The following GPR26 variants were observed in gnomAD, a reference collection of about 807,000 sequenced individuals.
The protein encoded by GPR26 is G protein-coupled receptor 26.
In GPR26, 15 loss-of-function variants were observed where a neutral mutation model predicts 23.1. That is an observed-to-expected ratio of 0.65 (90% confidence interval 0.43 to 1.00). GPR26 has a LOEUF of 1.00. GPR26 is among the 50% of genes least tolerant of loss of function. The pLI, the probability that GPR26 is intolerant of heterozygous loss-of-function variation, is 0.00. For synonymous variants in GPR26, 228 were observed against 222.1 expected (o/e 1.03, Z -0.24); for missense variants, 359 against 470.5 (o/e 0.76, Z 2.19).
Position 123,688,145 on chromosome 10 carries a change from GC to G in GPR26, c.1001del (p.Pro334ArgfsTer11), listed in dbSNP as rs747846998. 6 of 1,610,538 alleles carry G rather than the reference GC, an allele frequency of 3.7e-6. No homozygotes were observed. In the South Asian group the frequency reaches 6.6e-5, roughly 18 times the overall value. ...GCGACTCTCACAGCCAGAACATTCT[GC>G]CGGTGTCTGAGTGAAGGACCGCGCT... is the stretch of plus-strand genomic sequence containing the variant. The part of the protein sequence containing the change: ...TGDSHSQNIL[P>X]VSE On this transcript the variant is annotated frameshift_variant, in exon 3 of 3. Transcript: ENST00000284674. LOFTEE classifies it high-confidence loss of function.
Position 123,689,573 on chromosome 10 carries a change from G to C in GPR26, c.*1413G>C, listed in dbSNP as rs1472694753. ...ATTCCTCCAGGGTGGGAAGCACGGG[G>C]AGCAATGGAATCAGATGGCTCATTC... On this transcript the variant is annotated 3_prime_UTR_variant, in exon 3 of 3. Coordinates refer to ENST00000284674, the MANE Select transcript of GPR26 (RefSeq NM_153442.4). 1 of 152,156 alleles carries C rather than the reference G, an allele frequency of 6.6e-6. No homozygotes were observed. The highest frequency in any genetic ancestry group is 1.5e-5 in the Non-Finnish European group (1 of 68,032). 9.4% of individuals were successfully genotyped at this position (152,156 alleles called of 1,614,324 possible). A position where few individuals can be genotyped will look rare whatever the true frequency, so the allele number is the denominator to read the frequency against.
Position 123,666,726 on chromosome 10 carries a change from G to A in GPR26, c.319G>A (p.Ala107Thr). 2 of 1,598,412 alleles carry A rather than the reference G, an allele frequency of 1.3e-6. No homozygotes were observed. ...CGCGCTCAGCATCGACCGCTGGGTGGCCGTGGTCTTCCCGCTGAGCTACCG... is the reference window on the plus strand; with the variant it reads ...CGCGCTCAGCATCGACCGCTGGGTGACCGTGGTCTTCCCGCTGAGCTACCG... Reference protein sequence around the residue: ...MAALSIDRWVAVVFPLSYRAK... With the variant: ...MAALSIDRWVTVVFPLSYRAK... The change falls in exon 1 of 3, where the codon GCC (alanine) becomes ACC (threonine). Residue 107 changes from alanine to threonine, a missense_variant. Transcript: ENST00000284674.
intron 2 of GPR26, among the ~76,000 whole-genome samples, chr10:123,685,283 C>T (rs534246490): frequency 2.0e-5 from 3 of 152,336 alleles, no homozygotes; most frequent in African/African-American, 7.2e-5. Flanking sequence ...GGATCTGGTG[C>T]TCATCCAGAT....
rs1304484300 is a variant in GPR26 at position 123,669,344 on chromosome 10, C to A, written c.668+2269C>A. ...GACAACACAGGAGGGGATGACCAGT[C>A]CTCAAGAGACCCTGACAGCCAGTCC... On this transcript the variant is annotated intron_variant, in intron 1 of 2. Transcript: ENST00000284674. Among the ~76,000 whole-genome samples, 6 of 152,362 alleles carry A rather than the reference C, an allele frequency of 3.9e-5. No individual in the cohort carries two copies. In the South Asian group the frequency reaches 1.2e-3, roughly 32 times the overall value.
chr10:123,688,338 T>G lies in GPR26; in HGVS notation c.*178T>G, dbSNP rs970728655. The G allele has an allele frequency of 6.6e-6, 4 of 606,928 alleles. No individual in the cohort carries two copies. The Admixed American group carries it at 1.1e-4, about 17-fold the overall frequency. 37.6% of individuals were successfully genotyped at this position (606,928 alleles called of 1,614,324 possible). A position where few individuals can be genotyped will look rare whatever the true frequency, so the allele number is the denominator to read the frequency against. On this transcript the variant is annotated 3_prime_UTR_variant, in exon 3 of 3. Transcript: ENST00000284674. ...CTTCCTGGTTCCTCAAGGGCAGATA[T>G]TGGACACTCCTTATTTGTCACCAAA...
rs1483606120 is a variant in GPR26 at position 123,674,303 on chromosome 10, CT to C, written c.669-513del. On this transcript the variant is annotated intron_variant, in intron 1 of 2. Transcript: ENST00000284674. The surrounding 1 kb of genome is among the most constrained non-coding windows in gnomAD (Gnocchi z 4.1). The stretch of plus-strand genomic sequence containing the variant: ...TAAACCAGGGCAGGTAAAAACTTTC[CT>C]TGCAGGTAAAACACACCTGCCAGGA... 1.3e-5 allele frequency among the ~76,000 whole-genome samples: 2 copies of C among 152,128 alleles called. No homozygotes were observed. The highest frequency in any genetic ancestry group is 2.4e-5 in the African/African-American group (1 of 41,410).
rs1400933801 is a variant in GPR26, at chr10:123,666,672, C to G, written c.265C>G (p.Leu89Val). 1.3e-6 allele frequency: 2 copies of G among 1,599,772 alleles called. No homozygotes were observed. Among genetic ancestry groups the G allele is most frequent in the South Asian group, 1.1e-5 (1 of 90,538 alleles). The change falls in exon 1 of 3, where the codon CTG (leucine) becomes GTG (valine). Residue 89 changes from leucine to valine, a missense_variant. Transcript: ENST00000284674. Reference sequence around the variant, plus strand: ...CCTGGCTGCCTTCCTCGACACCTTCCTGGCTGCCAACTCCATGCTCAGCAT... The same window carrying G: ...CCTGGCTGCCTTCCTCGACACCTTCGTGGCTGCCAACTCCATGCTCAGCAT... ...CRLAAFLDTF[L>V]AANSMLSMAA...
At chr10:123,687,229 C>T (rs758211716) in intron 2 of GPR26, among the ~76,000 whole-genome samples, 1 of 152,160 alleles carries the variant, frequency 6.6e-6, no homozygotes, top group Non-Finnish European at 1.5e-5. Flanking sequence ...AGGGAAGAGG[C>T]CTTCCTTGCC....
At chr10:123,683,996 G>C (rs2133930128) in intron 2 of GPR26, among the ~76,000 whole-genome samples, 1 of 152,280 alleles carries the variant, frequency 6.6e-6, no homozygotes, top group Admixed American at 6.5e-5. Flanking sequence ...GCTTGGAAGA[G>C]GGGATCCCGG....
In GPR26 at chr10:123,694,650, GAAGA is replaced by G. The variant is rs1361147034; in HGVS notation, c.*6494_*6497del. ...AAGGAAGGAGAAAAAGGGAAGGAAA[GAAGA>G]AAGGAAGGAAAAAAGGAAGGAGGGA... On this transcript the variant is annotated 3_prime_UTR_variant, in exon 3 of 3. Transcript: ENST00000284674. 1 of 149,358 alleles carries G rather than the reference GAAGA, an allele frequency of 6.7e-6. No homozygotes were observed. Among genetic ancestry groups the G allele is most frequent in the Non-Finnish European group, 1.5e-5 (1 of 67,408 alleles). The allele number at this position is 149,358 out of a possible 1,614,324, so 9.3% of individuals were successfully genotyped here. A position where few individuals can be genotyped will look rare whatever the true frequency, so the allele number is the denominator to read the frequency against.
Position 123,693,265 on chromosome 10 carries a change from G to A in GPR26, c.*5105G>A, listed in dbSNP as rs967570660. On this transcript the variant is annotated 3_prime_UTR_variant, in exon 3 of 3. Transcript: ENST00000284674. ...ATACGGCTCACAAGTCCTTTGTGCC[G>A]ACAGGGAATCTATCTAATTGTTTTA... The A allele has an allele frequency of 6.6e-6, 1 of 152,168 alleles. No homozygotes were observed. Among genetic ancestry groups the A allele is most frequent in the African/African-American group, 2.4e-5 (1 of 41,424 alleles). 9.4% of individuals were successfully genotyped at this position (152,168 alleles called of 1,614,324 possible).
chr10:123,676,612 A>G (rs932739845), intron 2 of GPR26, among the ~76,000 whole-genome samples: 2 of 152,316 alleles, frequency 1.3e-5, no homozygotes, highest in Admixed American at 1.3e-4. Context: ...GACCCACCAC[A>G]TCTAGCCAGG....
At chr10:123,667,849 C>A (rs558114417) in intron 1 of GPR26, among the ~76,000 whole-genome samples, 1 of 152,080 alleles carries the variant, frequency 6.6e-6, no homozygotes, top group African/African-American at 2.4e-5. Context: ...TCTGGGAACC[C>A]CTGCCATCGC....
rs1168842141 is a variant in GPR26, at chr10:123,674,234, A to G, written c.669-584A>G. 6.6e-6 allele frequency among the ~76,000 whole-genome samples: 1 copy of G among 151,840 alleles called. No homozygotes were observed. The highest frequency in any genetic ancestry group is 1.5e-5 in the Non-Finnish European group (1 of 68,004). ...CGGCCTCCCAAAGTGCTGGGATTAC[A>G]GGTGTGAGCCACTGTGCCAGGCCGA... On this transcript the variant is annotated intron_variant, in intron 1 of 2. Transcript: ENST00000284674. The surrounding 1 kb of genome is among the most constrained non-coding windows in gnomAD (Gnocchi z 4.1).
chr10:123,686,409 C>G (rs1292694711), intron 2 of GPR26, among the ~76,000 whole-genome samples: 1 of 152,146 alleles, frequency 6.6e-6, no homozygotes, highest in Non-Finnish European at 1.5e-5. Context: ...CATTCAGGCT[C>G]CCAAGCATAT....
intron 2 of GPR26, 100 bp from the exon 3 acceptor site, chr10:123,687,829 C>T (rs142679088): frequency 0.014 from 10,326 of 739,496 alleles, 101 homozygotes; most frequent in Non-Finnish European, 0.019. Flanking sequence ...GGTTGGGCTG[C>T]GAAACCGTGG....
rs904594071 is a variant in GPR26, at chr10:123,692,759, A to T, written c.*4599A>T. On this transcript the variant is annotated 3_prime_UTR_variant, in exon 3 of 3. Coordinates refer to ENST00000284674, the MANE Select transcript of GPR26 (RefSeq NM_153442.4). ...TGCTGTTATTATCTCTACGTTACAC[A>T]TCTGGGAGGATTTGAAAGTCCTGGA... The T allele has an allele frequency of 1.3e-5, 2 of 152,242 alleles. No homozygotes were observed. The highest frequency in any genetic ancestry group is 3.8e-4 in the East Asian group (2 of 5,198). 9.4% of individuals were successfully genotyped at this position (152,242 alleles called of 1,614,324 possible). A position where few individuals can be genotyped will look rare whatever the true frequency, so the allele number is the denominator to read the frequency against.
rs1197437104 is a variant in GPR26 at position 123,674,258 on chromosome 10, G to A, written c.669-560G>A. 1.2e-5 allele frequency among the ~76,000 whole-genome samples: 1 copy of A among 80,362 alleles called. No individual in the cohort carries two copies. Among genetic ancestry groups the A allele is most frequent in the Non-Finnish European group, 2.6e-5 (1 of 38,284 alleles). 52.7% of individuals were successfully genotyped at this position (80,362 alleles called of 152,430 possible). On this transcript the variant is annotated intron_variant, in intron 1 of 2. Coordinates refer to ENST00000284674, the MANE Select transcript of GPR26 (RefSeq NM_153442.4). This position sits in a 1 kb window ranked among gnomAD's most constrained non-coding sequence, Gnocchi z 4.1. ...CAGGTGTGAGCCACTGTGCCAGGCC[G>A]AGCTCATGGTTTTTCATTGTAAACC... is the stretch of plus-strand genomic sequence containing the variant.
At chr10:123,667,160 TC>T in intron 1 of GPR26, 85 bp downstream of exon 1, 1 of 1,005,662 alleles carries the variant, frequency 9.9e-7, no homozygotes, top group Non-Finnish European at 1.4e-6. Context: ...GGGGCTCTTT[TC>T]CACCGAGCCT....
Sources: allele counts gnomAD v4.1 joint callset (sites outside exome capture counted in the v4.1 genomes callset), GRCh38; gene constraint gnomAD v4.1.1; non-coding constraint Gnocchi (gnomAD v3.1); transcripts MANE v1.5; gene names NCBI Gene and HGNC (gene_info 2026-07-23, HGNC 2026-07-21).